Variants in CRISP2 observed in about 807,000 individuals in gnomAD.
CRISP2 encodes the protein cysteine-rich secretory protein 2.
Under a neutral mutation model 31.7 loss-of-function variants are expected in CRISP2, and 29 were observed. The ratio of observed to expected loss-of-function variants is 0.92; its 90% CI spans 0.68 to 1.25. The LOEUF (loss-of-function observed/expected upper bound fraction) is 1.25, where lower values mean the gene tolerates loss of function less well. Among genes scored for constraint, CRISP2 ranks in the 50% most tolerant of loss-of-function variants. The probability of loss-of-function intolerance (pLI) is 0.00; values close to 1 mark genes in which losing one functional copy is unlikely to be tolerated. For missense variants in CRISP2, 318 were observed against 286.5 expected (o/e 1.11, Z -0.79); for synonymous variants, 111 against 101.4 (o/e 1.09, Z -0.57).
rs1765135112 is a variant in CRISP2 at position 49,698,422 on chromosome 6, T to C, written c.357A>G (p.Leu119=). 1.9e-6 allele frequency: 3 copies of C among 1,613,508 alleles called. No individual in the cohort carries two copies. Among genetic ancestry groups the C allele is most frequent in the Non-Finnish European group, 1.7e-6 (2 of 1,179,654 alleles). ...TTGGTCCTACACCATAGACAAAATCTAGGATCTCGTCATACCAGCTTTGGA... is the reference window on the plus strand; with the variant it reads ...TTGGTCCTACACCATAGACAAAATCCAGGATCTCGTCATACCAGCTTTGGA... ...SAIQSWYDEI[L]DFVYGVGPKS... The change falls in exon 7 of 10, where the codon CTA becomes CTG. Residue 119 remains leucine, a synonymous_variant. Transcript: ENST00000339139.
chr6:49,696,714 A>G (rs1764825025), intron 8 of CRISP2, among the ~76,000 whole-genome samples: 3 of 152,170 alleles, frequency 2.0e-5, no homozygotes, highest in Admixed American at 1.3e-4. Flanking sequence ...CATTAAATTC[A>G]TTTAAAATTA....
chr6:49,692,708 G>A lies in CRISP2; in HGVS notation c.*65C>T. 6.9e-7 allele frequency: 1 copy of A among 1,446,824 alleles called. No homozygotes were observed. Among genetic ancestry groups the A allele is most frequent in the African/African-American group, 1.4e-5 (1 of 71,244 alleles). The allele number at this position is 1,446,824 out of a possible 1,614,324, so 89.6% of individuals were successfully genotyped here. A position where few individuals can be genotyped will look rare whatever the true frequency, so the allele number is the denominator to read the frequency against. ...CACTAACATACATACAATTTCCACT[G>A]GTATGTCGCAATTAAATGATGCAGC... On this transcript the variant is annotated 3_prime_UTR_variant, in exon 10 of 10. Transcript: ENST00000339139.
chr6:49,687,498 A>T (rs1179681077), downstream of CRISP2, among the ~76,000 whole-genome samples: 1 of 152,198 alleles, frequency 6.6e-6, no homozygotes, highest in Admixed American at 6.5e-5. Context: ...TTTTCTATGC[A>T]GAAACTTTTC....
At chr6:49,685,248 G>GT in the CRISP2 span, among the ~76,000 whole-genome samples, 1 of 152,180 alleles carries the variant, frequency 6.6e-6, no homozygotes, top group Non-Finnish European at 1.5e-5. Flanking sequence ...TTAGAAAGTC[G>GT]TAAGACAGCA....
chr6:49,680,957 G>T, the CRISP2 span, among the ~76,000 whole-genome samples: 7 of 152,220 alleles, frequency 4.6e-5, no homozygotes, highest in South Asian at 1.4e-3. Flanking sequence ...CTGTTTAATT[G>T]TTGATAATTT....
At chr6:49,702,180 TATAA>T (rs1766185019) in intron 4 of CRISP2, among the ~76,000 whole-genome samples, 1 of 125,038 alleles carries the variant, frequency 8.0e-6, no homozygotes, top group Non-Finnish European at 1.7e-5. Context: ...TATATATATA[TATAA>T]CATTTTCTTT....
At chr6:49,677,998 T>A in the CRISP2 span, among the ~76,000 whole-genome samples, 1 of 152,150 alleles carries the variant, frequency 6.6e-6, no homozygotes, top group African/African-American at 2.4e-5. Context: ...TGCAACCTCC[T>A]CTGCTGGAGT....
intron 4 of CRISP2, among the ~76,000 whole-genome samples, chr6:49,701,206 G>A (rs1237001629): frequency 1.3e-5 from 2 of 151,552 alleles, no homozygotes; most frequent in Non-Finnish European, 2.9e-5. Context: ...TGATTCCTGA[G>A]ATTTTGGTGC....
chr6:49,707,025 G>A (rs1767150732), intron 4 of CRISP2, among the ~76,000 whole-genome samples: 1 of 151,856 alleles, frequency 6.6e-6, no homozygotes, highest in South Asian at 2.1e-4. Context: ...TGGTTTTTGT[G>A]GTTTCATCTC....
At chr6:49,691,766 C>T (rs566485180), downstream of CRISP2, among the ~76,000 whole-genome samples, 57 of 151,936 alleles carry the variant, frequency 3.8e-4, no homozygotes, top group African/African-American at 1.3e-3. Context: ...CATTTGGGGG[C>T]CTAGAAATTT....
the CRISP2 span, among the ~76,000 whole-genome samples, chr6:49,683,675 A>AT: frequency 8.4e-5 from 2 of 23,740 alleles, no homozygotes; most frequent in Non-Finnish European, 8.1e-5. Context: ...AAAAAAAAAA[A>AT]AAAAAAAAAA....
intron 9 of CRISP2, among the ~76,000 whole-genome samples, chr6:49,694,036 T>C (rs1764331106): frequency 6.6e-6 from 1 of 152,224 alleles, no homozygotes; most frequent in African/African-American, 2.4e-5. Context: ...GAATTAATTA[T>C]CCTAGTCTTT....
At position 49,692,858 on chromosome 6, in the gene CRISP2, G is replaced by C. The variant is rs1490009338; in HGVS notation, c.647C>G (p.Ser216Cys). The change falls in exon 10 of 10, where the codon TCC (serine) becomes TGC (cysteine). Residue 216 changes from serine (S) to cysteine (C), a missense_variant. By Grantham distance (112) the Ser-to-Cys change is moderately radical. Coordinates refer to ENST00000339139, the MANE Select transcript of CRISP2 (RefSeq NM_003296.4). Reference protein sequence around the residue: ...QYQDLLSNCDSLKNTAGCEHE... With the variant: ...QYQDLLSNCDCLKNTAGCEHE... ...TTCACAGCCAGCTGTATTCTTCAAG[G>C]AATCACAGTTACTTAGGAGATCTTG... 1.2e-6 allele frequency: 2 copies of C among 1,613,544 alleles called. No homozygotes were observed. Among genetic ancestry groups the C allele is most frequent in the African/African-American group, 2.7e-5 (2 of 74,890 alleles).
At chr6:49,712,856 T>C (rs968844110) in intron 1 of CRISP2, among the ~76,000 whole-genome samples, 1 of 152,220 alleles carries the variant, frequency 6.6e-6, no homozygotes, top group African/African-American at 2.4e-5. Context: ...TAACTACTAG[T>C]TGGCTAACTT....
the CRISP2 span, among the ~76,000 whole-genome samples, chr6:49,686,181 C>T: frequency 1.3e-5 from 2 of 152,298 alleles, no homozygotes; most frequent in South Asian, 4.1e-4. Flanking sequence ...AAGATACGTC[C>T]ATATCAGCTC....
chr6:49,711,644 T>G (rs1007019088), intron 2 of CRISP2, among the ~76,000 whole-genome samples: 1 of 152,210 alleles, frequency 6.6e-6, no homozygotes, highest in African/African-American at 2.4e-5. Context: ...ACAGGTTAAC[T>G]ACTGTGAAGG....
At chr6:49,697,553 G>T in intron 8 of CRISP2, 1 of 447,276 alleles carries the variant, frequency 2.2e-6, no homozygotes, top group Non-Finnish European at 4.0e-6. Context: ...AAGATGTGAT[G>T]ATACCAATTC....
downstream of CRISP2, among the ~76,000 whole-genome samples, chr6:49,687,636 G>A (rs1763925560): frequency 6.6e-6 from 1 of 152,188 alleles, no homozygotes. Context: ...TCATAGAGGA[G>A]GGGTCAGAGG....
chr6:49,703,757 C>T (rs556635027), intron 4 of CRISP2, among the ~76,000 whole-genome samples: 133 of 152,228 alleles, frequency 8.7e-4, no homozygotes, highest in Non-Finnish European at 9.4e-4. Context: ...TATAGGTTAC[C>T]TGATGCTTTT....
Sources: allele counts gnomAD v4.1 joint callset (sites outside exome capture counted in the v4.1 genomes callset), GRCh38; gene constraint gnomAD v4.1.1; transcripts MANE v1.5; gene names NCBI Gene and HGNC (gene_info 2026-07-23, HGNC 2026-07-21).